CNIH4: variants seen among roughly 807,000 people sequenced by gnomAD.
CNIH4 encodes the protein cornichon family member 4, also known as protein cornichon homolog 4.
Under a neutral mutation model 21.5 loss-of-function variants are expected in CNIH4, and 9 were observed. That is an observed-to-expected ratio of 0.42 (90% CI 0.25 to 0.73). CNIH4 has a LOEUF of 0.73. Among genes scored for constraint, CNIH4 ranks in the 30% least tolerant of loss-of-function variants. The pLI, the probability that CNIH4 is intolerant of heterozygous loss-of-function variation, is 0.27. For synonymous variants in CNIH4, 67 were observed against 59.1 expected (o/e 1.13, Z -0.61); for missense variants, 159 against 170.0 (o/e 0.94, Z 0.36).
intron 1 of CNIH4, among the ~76,000 whole-genome samples, chr1:224,358,598 A>G (rs573035740): frequency 6.6e-6 from 1 of 152,142 alleles, no homozygotes. Flanking sequence ...TTTTAAGTTC[A>G]TCAGCTATCA....
chr1:224,375,799 A>C lies in CNIH4; in HGVS notation c.397A>C (p.Ile133Leu). 6.2e-7 allele frequency: 1 copy of C among 1,614,076 alleles called. No homozygotes were observed. Among genetic ancestry groups the C allele is most frequent in the East Asian group, 2.2e-5 (1 of 44,884 alleles). The change falls in exon 5 of 5, where the codon ATC (isoleucine) becomes CTC (leucine). Residue 133 changes from isoleucine to leucine, a missense_variant. Coordinates refer to ENST00000465271, the MANE Select transcript of CNIH4 (RefSeq NM_014184.4). Reference sequence around the variant, plus strand: ...ATTCATTTCTTCTTTCCACAGTATGATCTTAGCTTTGATAAATGACTGAAG... The same window carrying C: ...ATTCATTTCTTCTTTCCACAGTATGCTCTTAGCTTTGATAAATGACTGAAG... ...LCFFMYLYSM[I>L]LALIND
chr1:224,361,227 T>G (rs1225388693), intron 2 of CNIH4, among the ~76,000 whole-genome samples: 1 of 151,396 alleles, frequency 6.6e-6, no homozygotes, highest in Non-Finnish European at 1.5e-5. Context: ...GCGTTTCTCC[T>G]GCCTCAGCCT....
rs1311806063 is a variant in CNIH4, at chr1:224,379,076, A to C, written c.*3254A>C. 4.5e-6 allele frequency: 7 copies of C among 1,550,452 alleles called. No individual in the cohort carries two copies. Among genetic ancestry groups the C allele is most frequent in the Non-Finnish European group, 5.2e-6 (6 of 1,146,986 alleles). On this transcript the variant is annotated 3_prime_UTR_variant, in exon 5 of 5. Coordinates refer to ENST00000465271, the MANE Select transcript of CNIH4 (RefSeq NM_014184.4). ...TTCCTTCTATCCTTTCAGTGGTAGC[A>C]ACTGCCCTTGCTAATCACCGTAACC...
chr1:224,363,794 A>C (rs1459683974), intron 2 of CNIH4, among the ~76,000 whole-genome samples: 1 of 152,156 alleles, frequency 6.6e-6, no homozygotes. Context: ...TAAAATGCTC[A>C]TTGAAAGCTC....
chr1:224,368,659 C>CA (rs11388086), intron 3 of CNIH4, among the ~76,000 whole-genome samples: 103,298 of 147,958 alleles, frequency 0.7, 37,755 homozygotes, highest in East Asian at 0.99. Flanking sequence ...GAAGCAGCTG[C>CA]ACTTTTTTTT....
Position 224,376,694 on chromosome 1 carries a change from T to A in CNIH4, c.*872T>A, listed in dbSNP as rs1672789909. On this transcript the variant is annotated 3_prime_UTR_variant, in exon 5 of 5. Coordinates refer to ENST00000465271, the MANE Select transcript of CNIH4 (RefSeq NM_014184.4). ...CCACGTGGTGCCAGATCAACACTTCTATCCCTCTGCACTGACCACGTTGTG... is the reference window on the plus strand; with the variant it reads ...CCACGTGGTGCCAGATCAACACTTCAATCCCTCTGCACTGACCACGTTGTG... 1.0e-6 allele frequency: 1 copy of A among 985,480 alleles called. No individual in the cohort carries two copies. Among genetic ancestry groups the A allele is most frequent in the Non-Finnish European group, 1.2e-6 (1 of 829,946 alleles). 61.0% of individuals were successfully genotyped at this position (985,480 alleles called of 1,614,324 possible). A position where few individuals can be genotyped will look rare whatever the true frequency, so the allele number is the denominator to read the frequency against.
intron 4 of CNIH4, among the ~76,000 whole-genome samples, chr1:224,374,601 G>A (rs1335038000): frequency 1.3e-5 from 2 of 151,082 alleles, no homozygotes; most frequent in Non-Finnish European, 2.9e-5. Flanking sequence ...CTTTAGTAGA[G>A]TCAGGGTTTC....
intron 2 of CNIH4, 30 bp from the exon 3 acceptor site, chr1:224,365,849 G>A (rs1266489762): frequency 8.2e-7 from 1 of 1,221,222 alleles, no homozygotes; most frequent in Non-Finnish European, 1.2e-6. Flanking sequence ...ACATAGCAGT[G>A]AGATGTAATA....
chr1:224,375,500 T>TG (rs1672755056), intron 4 of CNIH4, among the ~76,000 whole-genome samples: 3 of 152,182 alleles, frequency 2.0e-5, no homozygotes, highest in African/African-American at 7.2e-5. Flanking sequence ...TGTTTTGTTT[T>TG]TTTTTAACTG....
Position 224,360,563 on chromosome 1 carries a change from G to A in CNIH4, c.138G>A (p.Lys46=), listed in dbSNP as rs1194420525. ...NARSCCSKLN[K]WVIPELIGHT... ...GATCATGTTGCTCAAAATTAAACAA[G>A]GTAAGACATTTCTTTGCTCATTCTC... Residue 46 remains lysine, a splice_region_variant and synonymous_variant, in exon 2 of 5, where the codon AAG becomes AAA. Transcript: ENST00000465271. 2 of 1,452,128 alleles carry A rather than the reference G, an allele frequency of 1.4e-6. No homozygotes were observed. The highest frequency in any genetic ancestry group is 1.4e-5 in the South Asian group (1 of 70,310). The allele number at this position is 1,452,128 out of a possible 1,614,324, so 90.0% of individuals were successfully genotyped here. A position where few individuals can be genotyped will look rare whatever the true frequency, so the allele number is the denominator to read the frequency against.
intron 1 of CNIH4, among the ~76,000 whole-genome samples, chr1:224,359,459 A>T (rs955250887): frequency 6.6e-6 from 1 of 152,364 alleles, no homozygotes; most frequent in Middle Eastern, 3.4e-3. Context: ...CAGAAGGCAG[A>T]GATAGCTTTC....
chr1:224,360,614 A>G (rs752325599), intron 2 of CNIH4, 51 bp downstream of exon 2: 3 of 923,392 alleles, frequency 3.2e-6, no homozygotes, highest in African/African-American at 1.7e-5. Context: ...GTCATTTTCC[A>G]TACTTAAGAT....
At chr1:224,357,676 GTGGTTGCAGATCTGTAAAT>G (rs1672157419) in intron 1 of CNIH4, 1 of 152,248 alleles carries the variant, frequency 6.6e-6, no homozygotes, top group African/African-American at 2.4e-5. Flanking sequence ...GTTGTCCCCG[GTGGTTGCAGATCTGTAAAT>G]TCAATAACTA....
At chr1:224,374,868 A>G (rs866006324) in intron 4 of CNIH4, among the ~76,000 whole-genome samples, 15 of 152,336 alleles carry the variant, frequency 9.8e-5, no homozygotes, top group African/African-American at 3.1e-4. Context: ...ATTAGCTGCT[A>G]TCATTAATTT....
chr1:224,364,065 CA>C (rs1672379434), intron 2 of CNIH4: 1 of 985,156 alleles, frequency 1.0e-6, no homozygotes, highest in African/African-American at 1.7e-5. Flanking sequence ...GTCAGTAAAC[CA>C]AGCATAATAA....
intron 1 of CNIH4, among the ~76,000 whole-genome samples, chr1:224,359,494 T>C (rs1389539625): frequency 2.0e-5 from 3 of 152,246 alleles, no homozygotes; most frequent in Non-Finnish European, 4.4e-5. Flanking sequence ...GGGCAAGTGA[T>C]ACTTGTGTCA....
chr1:224,365,104 TAACC>T (rs1043283519), intron 2 of CNIH4, among the ~76,000 whole-genome samples: 14 of 152,216 alleles, frequency 9.2e-5, no homozygotes, highest in African/African-American at 3.4e-4. Context: ...GCAATTTACC[TAACC>T]ACTCTGAGTT....
intron 2 of CNIH4, chr1:224,364,019 GA>G: frequency 1.0e-6 from 1 of 984,182 alleles, no homozygotes; most frequent in Non-Finnish European, 1.2e-6. Context: ...TATCGTTAAG[GA>G]GGGAAGAGAC....
chr1:224,359,791 A>T (rs890991527), intron 1 of CNIH4, among the ~76,000 whole-genome samples: 4 of 152,112 alleles, frequency 2.6e-5, no homozygotes, highest in Non-Finnish European at 4.4e-5. Flanking sequence ...CCTGGGCTCT[A>T]GGCATTTTGC....
Sources: gnomAD v4.1 joint callset for allele counts (sites outside exome capture counted in the v4.1 genomes callset) on GRCh38, gnomAD v4.1.1 for gene constraint, MANE v1.5 for transcripts, NCBI Gene and HGNC (gene_info 2026-07-23, HGNC 2026-07-21) for gene names.